KLF8: variants seen among roughly 807,000 people sequenced by gnomAD.
The protein encoded by KLF8 is KLF transcription factor 8.
A neutral mutation model predicts 18.2 loss-of-function variants in KLF8; 10 were observed. The ratio of observed to expected loss-of-function variants is 0.55; its 90% CI spans 0.34 to 0.93. KLF8 has a LOEUF of 0.93. Among genes scored for constraint, KLF8 ranks in the 40% least tolerant of loss-of-function variants. The probability of loss-of-function intolerance (pLI) is 0.02; values close to 1 mark genes in which losing one functional copy is unlikely to be tolerated. For synonymous variants in KLF8, 109 were observed against 97.3 expected, an observed-to-expected ratio of 1.12 and a Z score of -0.71; for missense variants, 264 against 277.9, an observed-to-expected ratio of 0.95 and a Z score of 0.36.
At chrX:56,136,043 G>A in the KLF8 span, among the ~76,000 whole-genome samples, 2 of 111,236 alleles carry the variant, frequency 1.8e-5, no homozygotes. Context: ...CAACTTACAA[G>A]GGATGTGAAG....
the KLF8 span, among the ~76,000 whole-genome samples, chrX:56,081,141 C>T: frequency 9.0e-6 from 1 of 111,468 alleles, no homozygotes; most frequent in African/African-American, 3.3e-5. Context: ...AGCCTTCTCT[C>T]AGCTTGTCAA....
the KLF8 span, among the ~76,000 whole-genome samples, chrX:56,188,214 T>G: frequency 9.0e-6 from 1 of 111,391 alleles, no homozygotes; most frequent in African/African-American, 3.3e-5. Context: ...ATCACATTCT[T>G]ATACACCAAT....
chrX:56,203,924 T>C, the KLF8 span, among the ~76,000 whole-genome samples: 1 of 111,643 alleles, frequency 9.0e-6, no homozygotes, highest in Non-Finnish European at 1.9e-5. Context: ...TATGGTTCCA[T>C]ATGCATTTTG....
chrX:56,184,340 G>A, the KLF8 span, among the ~76,000 whole-genome samples: 6 of 112,242 alleles, frequency 5.3e-5, no homozygotes, highest in Non-Finnish European at 7.5e-5. Flanking sequence ...GCCATTGCCC[G>A]GGCTTGCTTA....
the KLF8 span, among the ~76,000 whole-genome samples, chrX:56,200,543 A>T: frequency 9.1e-6 from 1 of 110,397 alleles, no homozygotes; most frequent in Non-Finnish European, 1.9e-5. Flanking sequence ...AGAAAATATC[A>T]TTCACATTGG....
chrX:56,130,740 C>A, the KLF8 span, among the ~76,000 whole-genome samples: 4 of 111,368 alleles, frequency 3.6e-5, no homozygotes, highest in African/African-American at 1.3e-4. Context: ...GAAGTCCAAA[C>A]TTTAAAATTT....
chrX:56,158,618 T>G, the KLF8 span, among the ~76,000 whole-genome samples: 2 of 111,973 alleles, frequency 1.8e-5, no homozygotes, highest in African/African-American at 6.5e-5. Context: ...CCCTTGTAAG[T>G]TGGATTCCTA....
chrX:56,081,266 TC>T, the KLF8 span, among the ~76,000 whole-genome samples: 1 of 111,549 alleles, frequency 9.0e-6, no homozygotes, highest in Non-Finnish European at 1.9e-5. Flanking sequence ...TTTTTCCCCA[TC>T]TTTGTGGTTT....
chrX:56,235,722 G>A (rs2066466826), intron 1 of KLF8, among the ~76,000 whole-genome samples: 1 of 110,942 alleles, frequency 9.0e-6, no homozygotes, highest in Non-Finnish European at 1.9e-5. Context: ...ACCTCTTCCT[G>A]ATTTTTATAT....
At chrX:55,984,382 G>A in the KLF8 span, among the ~76,000 whole-genome samples, 8 of 111,545 alleles carry the variant, frequency 7.2e-5, no homozygotes, top group African/African-American at 2.3e-4. Context: ...TCCTGCATTA[G>A]TTTGCTGAGG....
chrX:56,212,179 G>A, the KLF8 span, among the ~76,000 whole-genome samples: 1 of 111,234 alleles, frequency 9.0e-6, no homozygotes, highest in Admixed American at 9.6e-5. Flanking sequence ...GGCTAAGCTG[G>A]TACCCTAGAT....
At chrX:56,134,955 A>G in the KLF8 span, among the ~76,000 whole-genome samples, 4 of 111,852 alleles carry the variant, frequency 3.6e-5, no homozygotes, top group South Asian at 1.5e-3. Flanking sequence ...AATCAAAACC[A>G]CAGTGCGATA....
chrX:56,048,253 C>T, the KLF8 span, among the ~76,000 whole-genome samples: 4 of 111,661 alleles, frequency 3.6e-5, no homozygotes, highest in Admixed American at 9.5e-5. Context: ...TTTTGCTGTG[C>T]AGAAGCTCTT....
chrX:55,977,516 C>G, the KLF8 span, among the ~76,000 whole-genome samples: 2 of 109,958 alleles, frequency 1.8e-5, no homozygotes, highest in East Asian at 5.7e-4. Context: ...TGTGTGTGCT[C>G]CACAAAAGTG....
the KLF8 span, among the ~76,000 whole-genome samples, chrX:55,940,005 A>G: frequency 8.9e-6 from 1 of 112,072 alleles, no homozygotes; most frequent in Non-Finnish European, 1.9e-5. Flanking sequence ...AAAAAGAGGG[A>G]ATCCTCCCTA....
the KLF8 span, among the ~76,000 whole-genome samples, chrX:56,100,011 G>C: frequency 9.0e-6 from 1 of 111,638 alleles, no homozygotes; most frequent in Non-Finnish European, 1.9e-5. Context: ...ATTTTACTAA[G>C]ATGCCATCTG....
the KLF8 span, among the ~76,000 whole-genome samples, chrX:56,027,983 T>C: frequency 8.9e-6 from 1 of 112,543 alleles, no homozygotes; most frequent in African/African-American, 3.2e-5. Flanking sequence ...TTAGCTTATC[T>C]GCTTCTTGTG....
chrX:56,186,491 C>A, the KLF8 span, among the ~76,000 whole-genome samples: 1 of 110,714 alleles, frequency 9.0e-6, no homozygotes, highest in Non-Finnish European at 1.9e-5. Flanking sequence ...AACAAGTATA[C>A]CCAGGAATTG....
the KLF8 span, among the ~76,000 whole-genome samples, chrX:55,913,535 A>G: frequency 6.3e-5 from 7 of 111,586 alleles, no homozygotes; most frequent in African/African-American, 2.0e-4. Flanking sequence ...TATGATGTGA[A>G]GAGACATGGA....
Sources: gnomAD v4.1 joint callset for allele counts (sites outside exome capture counted in the v4.1 genomes callset) on GRCh38, gnomAD v4.1.1 for gene constraint, MANE v1.5 for transcripts, NCBI Gene and HGNC (gene_info 2026-07-23, HGNC 2026-07-21) for gene names.